PPFIA4: variants seen among roughly 807,000 people sequenced by gnomAD.
PPFIA4 encodes the protein liprin-alpha-4.
In PPFIA4, 98 loss-of-function variants were observed where a neutral mutation model predicts 145.7. That is an observed-to-expected ratio of 0.67 (90% CI 0.57 to 0.80). The LOEUF is 0.80. Among genes scored for constraint, PPFIA4 ranks in the 30% least tolerant of loss-of-function variants. The pLI, the probability that PPFIA4 is intolerant of heterozygous loss-of-function variation, is 0.00. For missense variants in PPFIA4, 1,457 were observed against 1,632.7 expected (o/e 0.89, Z 1.85); for synonymous variants, 628 against 649.6 (o/e 0.97, Z 0.51).
intron 24 of PPFIA4, 84 bp downstream of exon 24, chr1:203,061,762 C>A: frequency 7.2e-7 from 1 of 1,387,980 alleles, no homozygotes; most frequent in Non-Finnish European, 9.8e-7. Context: ...CAGCAGGAAT[C>A]TCTGAGTCCT....
chr1:203,061,548 A>T, intron 23 of PPFIA4, 104 bp from the exon 24 acceptor site: 1 of 1,193,654 alleles, frequency 8.4e-7, no homozygotes, highest in Non-Finnish European at 1.2e-6. Context: ...ACCCAGCCAG[A>T]TACTGGGATG....
chr1:203,053,482 G>A (rs1000520834), intron 14 of PPFIA4, among the ~76,000 whole-genome samples: 5 of 152,066 alleles, frequency 3.3e-5, no homozygotes, highest in African/African-American at 7.2e-5. Flanking sequence ...GCAGTGAGCC[G>A]AGATCACGCC....
chr1:203,061,087 C>A lies in PPFIA4; in HGVS notation c.2847+55C>A, dbSNP rs377431895. On this transcript the variant is annotated intron_variant, in intron 23 of 29. Coordinates refer to ENST00000295706, the MANE Select transcript of PPFIA4 (RefSeq NM_001304331.2). ...GGCCTGGGGTTGGGACTGATACTCC[C>A]ATGAGGATGAGGGGAAGGCTGTGGG... 8.5e-6 allele frequency: 13 copies of A among 1,534,656 alleles called. No individual in the cohort carries two copies. In the African/African-American group the frequency reaches 1.5e-4, roughly 18 times the overall value.
At position 203,067,628 on chromosome 1, in the gene PPFIA4, A is replaced by ACGTGAGACAGGTGG. The variant is rs1279675158; in HGVS notation, c.3051-67_3051-66insCGTGAGACAGGTGG. On this transcript the variant is annotated intron_variant, in intron 25 of 29. Transcript: ENST00000295706. ...CTGGACATGCTGTGGCTGATGCTGG[A>ACGTGAGACAGGTGG]TGTGAGACAGGTGGTGTGGGAATGT... 17 of 1,358,632 alleles carry ACGTGAGACAGGTGG rather than the reference A, an allele frequency of 1.3e-5. No homozygotes were observed. The East Asian group carries it at 3.4e-4, about 27-fold the overall frequency. 84.2% of individuals were successfully genotyped at this position (1,358,632 alleles called of 1,614,324 possible).
rs751769453 is a variant in PPFIA4, at chr1:203,043,983, G to A, written c.389G>A (p.Arg130Gln). ...CLVSRHERSL[R>Q]MTVVKRQAQS... The stretch of plus-strand genomic sequence containing the variant: ...GTGTCCCGCCATGAACGGTCACTGC[G>A]GATGACTGTGGTGAAGCGCCAGGCC... The change falls in exon 4 of 30, where the codon CGG becomes CAG. Residue 130 changes from arginine to glutamine, a missense_variant. Transcript: ENST00000295706. This position sits in a 1 kb window ranked among gnomAD's most constrained non-coding sequence, Gnocchi z 4.4. The A allele has an allele frequency of 1.3e-5, 21 of 1,612,040 alleles. No homozygotes were observed. Among genetic ancestry groups the A allele is most frequent in the Admixed American group, 1.7e-5 (1 of 59,900 alleles).
intron 1 of PPFIA4, chr1:203,034,626 G>C: frequency 2.2e-6 from 1 of 456,684 alleles, no homozygotes; most frequent in Non-Finnish European, 4.4e-6. Context: ...CAGAGATTTG[G>C]GTGCGTGGAG....
At chr1:203,063,499 C>T (rs1322967930) in intron 24 of PPFIA4, 10 of 272,136 alleles carry the variant, frequency 3.7e-5, no homozygotes, top group South Asian at 3.7e-4. Flanking sequence ...GGCACGTCTG[C>T]TGCACAATAC....
intron 21 of PPFIA4, 74 bp downstream of exon 21, chr1:203,059,925 C>G: frequency 7.9e-7 from 1 of 1,258,226 alleles, no homozygotes; most frequent in Non-Finnish European, 1.1e-6. Context: ...GGGGTGGTGT[C>G]CTAGAACTTT....
rs548411670 is a variant in PPFIA4, at chr1:203,064,720, A to G, written c.3050+717A>G. Among the ~76,000 whole-genome samples the G allele has an allele frequency of 3.3e-5, 5 of 152,352 alleles. No individual in the cohort carries two copies. In the East Asian group the frequency reaches 9.6e-4, roughly 29 times the overall value. ...CTTTTGAAAACTTGAAAGCTCTGTC[A>G]ACACATTCTAGCATGGAAGCAACCA... On this transcript the variant is annotated intron_variant, in intron 25 of 29. Coordinates refer to ENST00000295706, the MANE Select transcript of PPFIA4 (RefSeq NM_001304331.2).
chr1:203,075,682 C>G lies in PPFIA4; in HGVS notation c.3499C>G (p.Pro1167Ala). ...GMLSASAETL[P>A]AGFRVSTLGT... is the part of the protein sequence containing the mutation. ...GCTCAGCGCTTCCGCGGAGACCCTC[C>G]CGGCGGGCTTCCGTGTGTCCACCCT... is the stretch of plus-strand genomic sequence containing the variant. The change falls in exon 29 of 30, where the codon CCG becomes GCG. Residue 1167 changes from proline to alanine, a missense_variant. Transcript: ENST00000295706. This position sits in a 1 kb window ranked among gnomAD's most constrained non-coding sequence, Gnocchi z 4.1. The G allele has an allele frequency of 6.7e-7, 1 of 1,495,106 alleles. No homozygotes were observed. The allele number at this position is 1,495,106 out of a possible 1,614,324, so 92.6% of individuals were successfully genotyped here.
intron 2 of PPFIA4, among the ~76,000 whole-genome samples, chr1:203,042,888 C>T (rs1460894323): frequency 6.6e-6 from 1 of 152,218 alleles, no homozygotes; most frequent in East Asian, 1.9e-4. Context: ...ATCTGCCCGG[C>T]TCAGCCTCCC....
At chr1:203,067,305 A>T (rs1404671290) in intron 25 of PPFIA4, 1 of 211,072 alleles carries the variant, frequency 4.7e-6, no homozygotes, top group African/African-American at 2.3e-5. Flanking sequence ...CTTATAGGCC[A>T]TTGTAAGGAC....
At chr1:203,061,075 G>T (rs1448710499) in intron 23 of PPFIA4, 43 bp downstream of exon 23, 2 of 1,576,664 alleles carry the variant, frequency 1.3e-6, no homozygotes, top group Admixed American at 1.7e-5. Flanking sequence ...CTGGGGTTGG[G>T]ACTGATACTC....
chr1:203,062,241 G>C (rs11579069), intron 24 of PPFIA4, among the ~76,000 whole-genome samples: 71,443 of 151,078 alleles, frequency 0.47, 17,778 homozygotes, highest in South Asian at 0.55. Context: ...ACTTTGGGAG[G>C]CCGAGGCGGG....
intron 29 of PPFIA4, 76 bp from the exon 30 acceptor site, chr1:203,076,265 C>A: frequency 6.7e-7 from 1 of 1,492,122 alleles, no homozygotes; most frequent in Non-Finnish European, 9.2e-7. Context: ...CGCTGTCGCA[C>A]ACATCCTACA....
In PPFIA4 at chr1:203,044,365, C is replaced by T. The variant is rs1269266853; in HGVS notation, c.502-14C>T. ...GTCCCCCTTTCTTCCTCCATCTCCC[C>T]TTACCTCGAGCAGGTGCGAGAGCGG... is the stretch of plus-strand genomic sequence containing the variant. On this transcript the variant is annotated splice_polypyrimidine_tract_variant and intron_variant, in intron 4 of 29. Coordinates refer to ENST00000295706, the MANE Select transcript of PPFIA4 (RefSeq NM_001304331.2). 1.9e-6 allele frequency: 3 copies of T among 1,550,456 alleles called. No homozygotes were observed. The African/African-American group carries it at 4.1e-5, about 21-fold the overall frequency.
intron 1 of PPFIA4, among the ~76,000 whole-genome samples, chr1:203,031,412 G>A (rs920752605): frequency 2.0e-5 from 3 of 152,142 alleles, no homozygotes; most frequent in South Asian, 2.1e-4. Context: ...TATACCATGC[G>A]TTCTCATGAT....
Position 203,055,968 on chromosome 1 carries a change from CTTTT to C in PPFIA4, c.2071-141_2071-138del, listed in dbSNP as rs199570318. ...GCCCTGGCTTGTTTTTCTAGGCCAGCTTTTTTTTTTTTTTCTGGCGTGATATTCT... is the reference window on the plus strand; with the variant it reads ...GCCCTGGCTTGTTTTTCTAGGCCAGCTTTTTTTTTTCTGGCGTGATATTCT... On this transcript the variant is annotated intron_variant, in intron 16 of 29. Coordinates refer to ENST00000295706, the MANE Select transcript of PPFIA4 (RefSeq NM_001304331.2). The surrounding 1 kb of genome is among the most constrained non-coding windows in gnomAD (Gnocchi z 4.8). 6.9e-6 allele frequency among the ~76,000 whole-genome samples: 1 copy of C among 145,984 alleles called. No individual in the cohort carries two copies. Among genetic ancestry groups the C allele is most frequent in the Non-Finnish European group, 1.5e-5 (1 of 66,216 alleles).
intron 14 of PPFIA4, among the ~76,000 whole-genome samples, chr1:203,052,635 G>C (rs1444993295): frequency 6.6e-6 from 1 of 152,088 alleles, no homozygotes; most frequent in Non-Finnish European, 1.5e-5. Flanking sequence ...CTGTTTATAA[G>C]AATATAGCAG....
Sources: allele counts gnomAD v4.1 joint callset (sites outside exome capture counted in the v4.1 genomes callset), GRCh38; gene constraint gnomAD v4.1.1; non-coding constraint Gnocchi (gnomAD v3.1); transcripts MANE v1.5; gene names NCBI Gene and HGNC (gene_info 2026-07-23, HGNC 2026-07-21).